RGP1: variants seen among roughly 807,000 people sequenced by gnomAD.
RGP1 encodes RAB6A-GEF complex partner protein 2.
Under a neutral mutation model 44.5 loss-of-function variants are expected in RGP1, and 28 were observed. The observed-to-expected ratio is 0.63, with a 90% CI of 0.47 to 0.86. The LOEUF is 0.86. Among genes scored for constraint, RGP1 ranks in the 40% least tolerant of loss-of-function variants. RGP1 has a pLI of 0.00. For synonymous variants in RGP1, 212 were observed against 196.7 expected, an observed-to-expected ratio of 1.08 and a Z score of -0.65; for missense variants, 417 against 490.7, an observed-to-expected ratio of 0.85 and a Z score of 1.42.
chr9:35,782,312 C>T, the RGP1 span, among the ~76,000 whole-genome samples: 1 of 152,122 alleles, frequency 6.6e-6, no homozygotes, highest in Non-Finnish European at 1.5e-5. Context: ...CATCAAGAGT[C>T]ATTGTTTAGT....
chr9:35,749,659 G>A lies in RGP1; in HGVS notation c.-19-78G>A, dbSNP rs530830928. ...ACGGTGCTGACCACCCCTGTCCTCA[G>A]CCCTCAGCCCTAGGTGCTCACCGCA... On this transcript the variant is annotated intron_variant, in intron 1 of 8. Coordinates refer to ENST00000378078, the MANE Select transcript of RGP1 (RefSeq NM_001080496.3). This position sits in a 1 kb window ranked among gnomAD's most constrained non-coding sequence, Gnocchi z 4.4. The A allele has an allele frequency of 8.3e-5, 70 of 844,884 alleles. No individual in the cohort carries two copies. The highest frequency in any genetic ancestry group is 1.3e-4 in the Non-Finnish European group (64 of 502,230). 52.3% of individuals were successfully genotyped at this position (844,884 alleles called of 1,614,324 possible). A position where few individuals can be genotyped will look rare whatever the true frequency, so the allele number is the denominator to read the frequency against.
chr9:35,782,968 C>T, the RGP1 span, among the ~76,000 whole-genome samples: 2 of 151,712 alleles, frequency 1.3e-5, no homozygotes, highest in African/African-American at 4.8e-5. Flanking sequence ...GCCACCATTC[C>T]TGGCTAATTT....
Position 35,754,319 on chromosome 9 carries a change from C to A in RGP1, c.*1445C>A. On this transcript the variant is annotated 3_prime_UTR_variant, in exon 9 of 9. Transcript: ENST00000378078. ...GATGTTTATAAAGTGAGGACCCTGG[C>A]CCCCTGCTGAGTAGAGCTGGAAAAG... is the stretch of plus-strand genomic sequence containing the variant. The A allele has an allele frequency of 1.6e-6, 1 of 627,054 alleles. No homozygotes were observed. The highest frequency in any genetic ancestry group is 1.9e-5 in the African/African-American group (1 of 53,390). 38.8% of individuals were successfully genotyped at this position (627,054 alleles called of 1,614,324 possible).
At chr9:35,776,994 C>CA in the RGP1 span, among the ~76,000 whole-genome samples, 2,031 of 106,950 alleles carry the variant, frequency 0.019, 34 homozygotes, top group African/African-American at 0.063. Context: ...GACTCTGTCT[C>CA]AAAAAAAAAA....
chr9:35,753,627 A>C lies in RGP1; in HGVS notation c.*753A>C. 14 of 1,431,622 alleles carry C rather than the reference A, an allele frequency of 9.8e-6. No homozygotes were observed. The highest frequency in any genetic ancestry group is 1.3e-5 in the Non-Finnish European group (13 of 1,016,362). 88.7% of individuals were successfully genotyped at this position (1,431,622 alleles called of 1,614,324 possible). A position where few individuals can be genotyped will look rare whatever the true frequency, so the allele number is the denominator to read the frequency against. ...GTCATCCCTCAGTCACTCATATCAGAGTCATTCTCTCTGGCCATCTTTGGT... is the reference window on the plus strand; with the variant it reads ...GTCATCCCTCAGTCACTCATATCAGCGTCATTCTCTCTGGCCATCTTTGGT... On this transcript the variant is annotated 3_prime_UTR_variant, in exon 9 of 9. Coordinates refer to ENST00000378078, the MANE Select transcript of RGP1 (RefSeq NM_001080496.3). The surrounding 1 kb of genome is among the most constrained non-coding windows in gnomAD (Gnocchi z 4.2).
intron 5 of RGP1, 79 bp downstream of exon 5, chr9:35,751,068 G>C (rs1827251633): frequency 3.2e-6 from 5 of 1,555,094 alleles, no homozygotes; most frequent in Non-Finnish European, 2.6e-6. Context: ...CTTGCAAGAG[G>C]GACTGCAGGG....
chr9:35,783,684 T>A, the RGP1 span, among the ~76,000 whole-genome samples: 1 of 152,218 alleles, frequency 6.6e-6, no homozygotes, highest in East Asian at 1.9e-4. Context: ...ATCTTTATCA[T>A]TCATCTGTTG....
chr9:35,786,192 T>C, the RGP1 span, among the ~76,000 whole-genome samples: 1 of 152,246 alleles, frequency 6.6e-6, no homozygotes, highest in Non-Finnish European at 1.5e-5. Context: ...TTTGCCTCTT[T>C]TTATGCCAGA....
Position 35,750,820 on chromosome 9 carries a change from G to A in RGP1, c.338-20G>A. On this transcript the variant is annotated intron_variant, in intron 4 of 8. Coordinates refer to ENST00000378078, the MANE Select transcript of RGP1 (RefSeq NM_001080496.3). ...CTCCTCTGGTGCCTCTGGCTGTCCT[G>A]ACAACTACTTCCCAACCAGACTCCT... The A allele has an allele frequency of 1.9e-6, 3 of 1,613,972 alleles. No homozygotes were observed. The highest frequency in any genetic ancestry group is 1.7e-5 in the Admixed American group (1 of 60,026).
At chr9:35,751,493 C>T in intron 6 of RGP1, 81 bp downstream of exon 6, 1 of 1,600,884 alleles carries the variant, frequency 6.2e-7, no homozygotes, top group Non-Finnish European at 8.5e-7. Flanking sequence ...CTAACCACCA[C>T]ACACTTCTGT....
chr9:35,787,737 T>C, the RGP1 span, among the ~76,000 whole-genome samples: 13 of 152,250 alleles, frequency 8.5e-5, no homozygotes, highest in Non-Finnish European at 1.6e-4. Context: ...ATTTGCTTTC[T>C]ATATACTTTG....
downstream of RGP1, among the ~76,000 whole-genome samples, chr9:35,760,425 A>T: frequency 6.6e-6 from 1 of 152,212 alleles, no homozygotes; most frequent in East Asian, 1.9e-4. Flanking sequence ...CAGATGTGAC[A>T]ACCAAAATGT....
chr9:35,789,068 C>T, the RGP1 span, among the ~76,000 whole-genome samples: 18 of 151,998 alleles, frequency 1.2e-4, no homozygotes, highest in Non-Finnish European at 2.1e-4. Context: ...CTTGCTCTGT[C>T]GCACAGTGGC....
the RGP1 span, among the ~76,000 whole-genome samples, chr9:35,779,434 G>C: frequency 6.6e-6 from 1 of 152,222 alleles, no homozygotes; most frequent in African/African-American, 2.4e-5. Flanking sequence ...CTCCGCACCT[G>C]TCTGAGAAGA....
chr9:35,764,932 C>T, the RGP1 span, among the ~76,000 whole-genome samples: 1 of 152,100 alleles, frequency 6.6e-6, no homozygotes, highest in African/African-American at 2.4e-5. Context: ...TTGAGGCCAG[C>T]CTGGCCAACA....
In RGP1 at chr9:35,752,748, G is replaced by T; in HGVS notation, c.1050G>T (p.Trp350Cys). The T allele has an allele frequency of 1.9e-6, 3 of 1,613,760 alleles. No homozygotes were observed. The highest frequency in any genetic ancestry group is 2.2e-5 in the East Asian group (1 of 44,878). ...PPVEQPEPTT[W>C]TGPEQVPVDT... The stretch of plus-strand genomic sequence containing the variant: ...TGGAACAGCCCGAACCTACCACCTG[G>T]ACAGGACCTGAGCAAGTACCTGTAG... The change falls in exon 9 of 9, where the codon TGG (tryptophan) becomes TGT (cysteine). Residue 350 changes from tryptophan (W) to cysteine (C), a missense_variant. Trp to Cys is a radical substitution (Grantham distance 215, BLOSUM62 -2). Transcript: ENST00000378078.
chr9:35,752,993 C>T lies in RGP1; in HGVS notation c.*119C>T. The T allele has an allele frequency of 6.5e-7, 1 of 1,534,422 alleles. No individual in the cohort carries two copies. ...TCGTGGACAGTGAGAGTCGGGCTTT[C>T]AGCTATAGCATTAATTTATTTGTTC... On this transcript the variant is annotated 3_prime_UTR_variant, in exon 9 of 9. Coordinates refer to ENST00000378078, the MANE Select transcript of RGP1 (RefSeq NM_001080496.3).
rs777533872 is a variant in RGP1 at position 35,749,847 on chromosome 9, C to T, written c.92C>T (p.Pro31Leu). 3.7e-6 allele frequency: 6 copies of T among 1,613,024 alleles called. No individual in the cohort carries two copies. The highest frequency in any genetic ancestry group is 5.1e-6 in the Non-Finnish European group (6 of 1,179,364). ...ECVVTVTNPL[P>L]PTATSASSEA... is the part of the protein sequence containing the mutation. ...GTAGTGACCGTCACCAACCCCCTTC[C>T]GCCCACGGCCACTTCTGCATCCAGG... is the stretch of plus-strand genomic sequence containing the variant. The change falls in exon 2 of 9, where the codon CCG becomes CTG. Residue 31 changes from proline (P) to leucine (L), a missense_variant. By Grantham distance (98) the Pro-to-Leu change is moderately conservative. Coordinates refer to ENST00000378078, the MANE Select transcript of RGP1 (RefSeq NM_001080496.3). The surrounding 1 kb of genome is among the most constrained non-coding windows in gnomAD (Gnocchi z 4.4).
chr9:35,783,592 G>A, the RGP1 span, among the ~76,000 whole-genome samples: 1 of 151,772 alleles, frequency 6.6e-6, no homozygotes, highest in African/African-American at 2.4e-5. Context: ...TGTCCTCCAG[G>A]CTCATCTATG....
Sources: gnomAD v4.1 joint callset for allele counts (sites outside exome capture counted in the v4.1 genomes callset) on GRCh38, gnomAD v4.1.1 for gene constraint, Gnocchi (gnomAD v3.1) non-coding constraint, MANE v1.5 for transcripts, NCBI Gene and HGNC (gene_info 2026-07-23, HGNC 2026-07-21) for gene names.